The following FKBP5 variants were observed in gnomAD, a reference collection of about 807,000 sequenced individuals.
The protein encoded by FKBP5 is FKBP prolyl isomerase 5.
In FKBP5, 23 loss-of-function variants were observed where a neutral mutation model predicts 50.5. The ratio of observed to expected loss-of-function variants is 0.46; its 90% confidence interval spans 0.33 to 0.65. The LOEUF (loss-of-function observed/expected upper bound fraction) is 0.65, where lower values mean the gene tolerates loss of function less well. Ranked by LOEUF, FKBP5 falls within the 30% of genes least tolerant of loss-of-function variation. The probability of loss-of-function intolerance (pLI) is 0.02; values close to 1 mark genes in which losing one functional copy is unlikely to be tolerated. For missense variants in FKBP5, 411 were observed against 553.1 expected (o/e 0.74, Z 2.58); for synonymous variants, 176 against 190.6 (o/e 0.92, Z 0.63).
intron 8 of FKBP5, chr6:35,586,733 C>T (rs1762611819): frequency 1.2e-5 from 15 of 1,241,644 alleles, no homozygotes; most frequent in Non-Finnish European, 1.5e-5. Flanking sequence ...CAACTATGTA[C>T]CAAGCAAGAT....
At chr6:35,625,844 A>C (rs928744300) in intron 3 of FKBP5, among the ~76,000 whole-genome samples, 7 of 149,502 alleles carry the variant, frequency 4.7e-5, no homozygotes, top group South Asian at 2.1e-4. Flanking sequence ...CAGTGGCGCT[A>C]TCTCTGCTCA....
At chr6:35,618,776 C>A (rs775293687) in intron 5 of FKBP5, among the ~76,000 whole-genome samples, 30 of 152,168 alleles carry the variant, frequency 2.0e-4, no homozygotes, top group African/African-American at 7.2e-4. Flanking sequence ...CTCACTGCAA[C>A]CCCTGCCTCC....
At chr6:35,711,333 A>G (rs1038317144) in intron 2 of FKBP5, among the ~76,000 whole-genome samples, 1 of 129,518 alleles carries the variant, frequency 7.7e-6, no homozygotes, top group African/African-American at 3.0e-5. Flanking sequence ...AAAAAAAAAA[A>G]GAAGGCCGGG....
At chr6:35,683,120 A>ATGTG (rs35830022) in intron 1 of FKBP5, among the ~76,000 whole-genome samples, 1,523 of 80,534 alleles carry the variant, frequency 0.019, 36 homozygotes, top group South Asian at 0.028. Context: ...ATATACGTAT[A>ATGTG]TGTGTGTGTG....
At chr6:35,701,064 C>G (rs1766173334) in intron 2 of FKBP5, among the ~76,000 whole-genome samples, 2 of 151,970 alleles carry the variant, frequency 1.3e-5, no homozygotes, top group Admixed American at 6.5e-5. Flanking sequence ...ATAAGTATAT[C>G]CCAAATATTG....
chr6:35,626,525 T>C (rs1764003549), intron 3 of FKBP5, among the ~76,000 whole-genome samples: 1 of 152,192 alleles, frequency 6.6e-6, no homozygotes, highest in Non-Finnish European at 1.5e-5. Context: ...TTTACCATCT[T>C]AGCTATTTTA....
At chr6:35,600,668 T>C (rs1331462205) in intron 5 of FKBP5, among the ~76,000 whole-genome samples, 1 of 152,202 alleles carries the variant, frequency 6.6e-6, no homozygotes, top group Non-Finnish European at 1.5e-5. Context: ...CTGAAGTTTA[T>C]TGTTGGAAGT....
At chr6:35,615,906 G>T (rs1763638249) in intron 5 of FKBP5, among the ~76,000 whole-genome samples, 1 of 152,214 alleles carries the variant, frequency 6.6e-6, no homozygotes, top group Non-Finnish European at 1.5e-5. Flanking sequence ...TCTTGATAAT[G>T]ATGAAAGGCA....
chr6:35,694,216 G>A (rs568833303), intron 2 of FKBP5, among the ~76,000 whole-genome samples: 1 of 152,218 alleles, frequency 6.6e-6, no homozygotes, highest in South Asian at 2.1e-4. Flanking sequence ...CGTGATCATG[G>A]CTCACTGCAG....
At chr6:35,598,176 T>A (rs1383481708) in intron 5 of FKBP5, among the ~76,000 whole-genome samples, 1 of 152,234 alleles carries the variant, frequency 6.6e-6, no homozygotes, top group African/African-American at 2.4e-5. Context: ...TTCTCATATT[T>A]TAAGACAAAA....
intron 2 of FKBP5, among the ~76,000 whole-genome samples, chr6:35,711,272 T>C (rs1348937709): frequency 6.8e-6 from 1 of 147,932 alleles, no homozygotes; most frequent in Non-Finnish European, 1.5e-5. Flanking sequence ...AGCCATGATC[T>C]CGCCACTGCA....
chr6:35,663,186 T>A (rs540516295), intron 1 of FKBP5, among the ~76,000 whole-genome samples: 13 of 152,220 alleles, frequency 8.5e-5, no homozygotes, highest in African/African-American at 2.2e-4. Context: ...AGTGACCATG[T>A]GAGCTGAGGG....
intron 2 of FKBP5, among the ~76,000 whole-genome samples, chr6:35,705,213 AATAT>A (rs869253345): frequency 0.013 from 941 of 71,100 alleles, 5 homozygotes; most frequent in South Asian, 0.02. Flanking sequence ...TATATGTACA[AATAT>A]ATATATATAT....
intron 2 of FKBP5, among the ~76,000 whole-genome samples, chr6:35,715,405 C>G (rs1766494193): frequency 6.6e-6 from 1 of 152,130 alleles, no homozygotes. Flanking sequence ...GAGGCTTAAA[C>G]AAGCTTATAT....
intron 1 of FKBP5, among the ~76,000 whole-genome samples, chr6:35,652,268 A>ATG (rs1464879168): frequency 1.4e-3 from 209 of 152,364 alleles, no homozygotes; most frequent in African/African-American, 4.9e-3. Flanking sequence ...TGTTTGAGCA[A>ATG]TATGAAATGT....
rs766109117 is a variant in FKBP5, at chr6:35,587,045, C to T, written c.829G>A (p.Val277Ile). 6.8e-6 allele frequency: 11 copies of T among 1,613,578 alleles called. No individual in the cohort carries two copies. The highest frequency in any genetic ancestry group is 5.5e-5 in the South Asian group (5 of 91,068). ...AGGGACTCACACACCTTGAAGTATACGGTTCCCTTCTCTTTGACAATGGCA... is the reference window on the plus strand; with the variant it reads ...AGGGACTCACACACCTTGAAGTATATGGTTCCCTTCTCTTTGACAATGGCA... ...QAAIVKEKGTVYFKGGKYMQA... is the reference protein window; with the variant it reads ...QAAIVKEKGTIYFKGGKYMQA... Residue 277 changes from valine (V) to isoleucine (I), a missense_variant, in exon 8 of 11, where the codon GTA (valine) becomes ATA (isoleucine). This residue lies in a region of FKBP5 where 267 missense variants were observed against 405.9 expected (regional missense o/e 0.66). Transcript: ENST00000357266.
intron 1 of FKBP5, among the ~76,000 whole-genome samples, chr6:35,666,388 T>C (rs1765217391): frequency 9.3e-5 from 2 of 21,414 alleles, no homozygotes; most frequent in Admixed American, 7.6e-4. Flanking sequence ...ACACTACTAT[T>C]ATAGTTAAAA....
Position 35,637,074 on chromosome 6 carries a change from C to T in FKBP5, c.190G>A (p.Gly64Arg), listed in dbSNP as rs1764328923. Residue 64 changes from glycine to arginine, a missense_variant, in exon 3 of 11, where the codon GGA (glycine) becomes AGA (arginine). Transcript: ENST00000357266. ...YVHYKGKLSNGKKFDSSHDRN... is the reference protein window; with the variant it reads ...YVHYKGKLSNRKKFDSSHDRN... ...TCATGACTGGAATCAAACTTCTTTC[C>T]ATTTGACAATTTTCCTTTGTAATGG... 6.2e-7 allele frequency: 1 copy of T among 1,610,832 alleles called. No homozygotes were observed. The highest frequency in any genetic ancestry group is 1.7e-5 in the Admixed American group (1 of 58,980).
intron 1 of FKBP5, among the ~76,000 whole-genome samples, chr6:35,725,990 T>C (rs1470328484): frequency 2.0e-5 from 3 of 152,216 alleles, no homozygotes; most frequent in Non-Finnish European, 4.4e-5. Context: ...CTCTGTACCC[T>C]GTTCCTCTCA....
Sources: gnomAD v4.1 joint callset for allele counts (sites outside exome capture counted in the v4.1 genomes callset) on GRCh38, gnomAD v4.1.1 for gene constraint, gnomAD v4.1.1 regional missense constraint, MANE v1.5 for transcripts, NCBI Gene and HGNC (gene_info 2026-07-23, HGNC 2026-07-21) for gene names.